Variants in LIPA observed in about 807,000 individuals in gnomAD.
LIPA encodes the protein lipase A, lysosomal acid type, also known as lysosomal acid lipase/cholesteryl ester hydrolase.
Under a neutral mutation model 40.6 loss-of-function variants are expected in LIPA, and 26 were observed. The observed-to-expected ratio is 0.64, with a 90% CI of 0.47 to 0.89. LIPA has a LOEUF of 0.89. LIPA is among the 40% of genes least tolerant of loss of function. LIPA has a pLI of 0.00. For synonymous variants in LIPA, 188 were observed against 168.4 expected (o/e 1.12, Z -0.90); for missense variants, 455 against 479.6 (o/e 0.95, Z 0.48).
chr10:89,256,639 G>T (rs143010347), upstream of LIPA, among the ~76,000 whole-genome samples: 3 of 152,308 alleles, frequency 2.0e-5, no homozygotes, highest in African/African-American at 4.8e-5. Flanking sequence ...AAGCCTCAGC[G>T]TCTTCACTTG....
Position 89,262,133 on chromosome 10 carries a change from T to G in LIPA, c.-1-14484A>C, listed in dbSNP as rs114016487. Among the ~76,000 whole-genome samples, 546 of 152,274 alleles carry G rather than the reference T, an allele frequency of 3.6e-3. 2 individuals carry two copies. The highest frequency in any genetic ancestry group is 0.013 in the African/African-American group (521 of 41,556). ...AACAAGATTTTTATTGTTACCTGAC[T>G]AGTGCTGAGGACTTGTAAACTCCTG... On this transcript the variant is annotated intron_variant, in intron 1 of 5. Transcript: ENST00000282673.
At chr10:89,324,229 C>T (rs1326423645) in intron 1 of LIPA, among the ~76,000 whole-genome samples, 2 of 152,142 alleles carry the variant, frequency 1.3e-5, no homozygotes, top group Non-Finnish European at 1.5e-5. Context: ...GGGCACACAC[C>T]TACAGCCATC....
In LIPA at chr10:89,309,547, G is replaced by A. The variant is rs3740028; in HGVS notation, c.-2+33064C>T. The stretch of plus-strand genomic sequence containing the variant: ...AGGAACACCACACGTATTCTGAGTG[G>A]AAGGTTAAAATGGACAGGTATGCCG... On this transcript the variant is annotated intron_variant, in intron 1 of 5. Coordinates refer to the LIPA transcript ENST00000282673. 6.8e-4 allele frequency among the ~76,000 whole-genome samples: 104 copies of A among 152,298 alleles called. 2 individuals are homozygous for A. In the East Asian group the frequency reaches 0.02, roughly 29 times the overall value.
upstream of LIPA, among the ~76,000 whole-genome samples, chr10:89,346,072 T>C (rs1843918566): frequency 6.6e-6 from 1 of 152,178 alleles, no homozygotes; most frequent in Non-Finnish European, 1.5e-5. Flanking sequence ...GGAATTGGTA[T>C]TAGGTTAAGC....
At chr10:89,266,027 G>GC (rs1422924207) in intron 1 of LIPA, among the ~76,000 whole-genome samples, 1 of 152,108 alleles carries the variant, frequency 6.6e-6, no homozygotes, top group Non-Finnish European at 1.5e-5. Context: ...GAACCTCCCA[G>GC]CCCCCTTCAG....
At chr10:89,370,713 T>C (rs547109686) in intron 2 of LIPA, among the ~76,000 whole-genome samples, 2 of 152,134 alleles carry the variant, frequency 1.3e-5, no homozygotes, top group Non-Finnish European at 2.9e-5. Context: ...TCTCCAGATG[T>C]GATCATCCAA....
At chr10:89,311,621 A>C (rs1294744184) in intron 1 of LIPA, among the ~76,000 whole-genome samples, 2 of 152,152 alleles carry the variant, frequency 1.3e-5, no homozygotes, top group Non-Finnish European at 2.9e-5. Flanking sequence ...CATATGTATA[A>C]AACTTTGTAA....
At chr10:89,216,410 C>CATATAT (rs10646193) in intron 8 of LIPA, among the ~76,000 whole-genome samples, 135 of 145,258 alleles carry the variant, frequency 9.3e-4, no homozygotes, top group African/African-American at 3.3e-3. Flanking sequence ...TATATATATA[C>CATATAT]ATATATATAT....
intron 1 of LIPA, chr10:89,332,430 TTC>T (rs1843663814): frequency 7.3e-7 from 1 of 1,369,536 alleles, no homozygotes; most frequent in Admixed American, 2.9e-5. Context: ...TTCTCACAGA[TTC>T]TGTTTCAGTT....
chr10:89,287,547 C>T (rs138125223), intron 1 of LIPA, among the ~76,000 whole-genome samples: 50 of 152,228 alleles, frequency 3.3e-4, no homozygotes, highest in African/African-American at 1.2e-3. Flanking sequence ...CCCAAAGCCT[C>T]CTTCATGTCT....
intron 1 of LIPA, among the ~76,000 whole-genome samples, chr10:89,336,531 G>GCGGTGTGAGGGC (rs1449591145): frequency 6.6e-6 from 1 of 152,202 alleles, no homozygotes. Flanking sequence ...ACTTGCAGTA[G>GCGGTGTGAGGGC]CGGTGTGAGG....
At chr10:89,252,894 C>T (rs1843150483), upstream of LIPA, among the ~76,000 whole-genome samples, 1 of 151,660 alleles carries the variant, frequency 6.6e-6, no homozygotes, top group African/African-American at 2.4e-5. Context: ...TGAGCACAGG[C>T]AAGGAGGTAG....
chr10:89,403,736 ACATTT>A (rs753225912), intron 2 of LIPA: 7 of 1,278,562 alleles, frequency 5.5e-6, no homozygotes, highest in Middle Eastern at 1.9e-4. Flanking sequence ...AGCCACTTTC[ACATTT>A]CATTTCATTT....
At chr10:89,269,708 A>G (rs1304997566) in intron 1 of LIPA, among the ~76,000 whole-genome samples, 1 of 152,254 alleles carries the variant, frequency 6.6e-6, no homozygotes, top group African/African-American at 2.4e-5. Context: ...CTTCAAAAAT[A>G]TTAATTTCCT....
At chr10:89,402,979 A>G (rs557664379) in intron 2 of LIPA, 2 of 1,614,084 alleles carry the variant, frequency 1.2e-6, no homozygotes, top group Admixed American at 1.7e-5. Context: ...CAGGAAGCTG[A>G]AGGAGAAAAG....
chr10:89,331,203 C>T (rs1469482926), intron 1 of LIPA, among the ~76,000 whole-genome samples: 1 of 152,132 alleles, frequency 6.6e-6, no homozygotes, highest in African/African-American at 2.4e-5. Context: ...GACAGAGTCT[C>T]ACTCTGTCAC....
intron 1 of LIPA, among the ~76,000 whole-genome samples, chr10:89,303,062 A>C (rs963909963): frequency 3.3e-5 from 5 of 150,562 alleles, no homozygotes; most frequent in African/African-American, 1.2e-4. Flanking sequence ...TTTTGTAGTC[A>C]CCCAGAATCT....
chr10:89,312,611 C>G (rs910398673), intron 1 of LIPA, among the ~76,000 whole-genome samples: 1 of 151,590 alleles, frequency 6.6e-6, no homozygotes, highest in Non-Finnish European at 1.5e-5. Flanking sequence ...GATCGAGACC[C>G]TCCTGGCTAA....
intron 2 of LIPA, among the ~76,000 whole-genome samples, chr10:89,372,211 AG>A (rs1844095764): frequency 6.6e-6 from 1 of 152,222 alleles, no homozygotes; most frequent in African/African-American, 2.4e-5. Flanking sequence ...ATACAAGAAC[AG>A]GTTTATGGTC....
Sources: gnomAD v4.1 joint callset for allele counts (sites outside exome capture counted in the v4.1 genomes callset) on GRCh38, gnomAD v4.1.1 for gene constraint, MANE v1.5 for transcripts, NCBI Gene and HGNC (gene_info 2026-07-23, HGNC 2026-07-21) for gene names.